GRID1: variants seen among roughly 807,000 people sequenced by gnomAD.
The protein encoded by GRID1 is glutamate ionotropic receptor delta type subunit 1, also known as glutamate receptor ionotropic, delta-1.
Under a neutral mutation model 98.0 loss-of-function variants are expected in GRID1, and 28 were observed. The ratio of observed to expected loss-of-function variants is 0.29; its 90% CI spans 0.21 to 0.39. GRID1 has a LOEUF of 0.39. GRID1 is among the 10% of genes least tolerant of loss of function. The pLI is 1.00. For synonymous variants in GRID1, 553 were observed against 538.5 expected, an observed-to-expected ratio of 1.03 and a Z score of -0.37; for missense variants, 1,111 against 1,340.5, an observed-to-expected ratio of 0.83 and a Z score of 2.67.
Position 85,724,517 on chromosome 10 carries a change from C to T in GRID1, c.1693G>A (p.Val565Met), listed in dbSNP as rs778197505. ...FSLFAPFDFA[V>M]WACIAAAIPV... ...ATGGCTGCTGCAATGCAGGCCCACA[C>T]AGCGAAATCAAATGGAGCAAAGAGG... The change falls in exon 11 of 16, where the codon GTG becomes ATG. Residue 565 changes from valine to methionine, a missense_variant. Val to Met is a conservative substitution (Grantham distance 21). Transcript: ENST00000327946. The T allele has an allele frequency of 1.4e-5, 23 of 1,614,086 alleles. No homozygotes were observed. The highest frequency in any genetic ancestry group is 1.9e-5 in the Non-Finnish European group (23 of 1,180,012).
At chr10:85,634,505 A>G (rs1843014363) in intron 13 of GRID1, among the ~76,000 whole-genome samples, 1 of 152,166 alleles carries the variant, frequency 6.6e-6, no homozygotes, top group Admixed American at 6.5e-5. Context: ...GTAATAACAA[A>G]AAGACACAAA....
intron 4 of GRID1, among the ~76,000 whole-genome samples, chr10:86,133,724 G>A (rs1374359012): frequency 1.3e-5 from 2 of 152,214 alleles, no homozygotes; most frequent in Non-Finnish European, 2.9e-5. Flanking sequence ...AAGGTCCCAT[G>A]CTGCTCTCAG....
intron 14 of GRID1, among the ~76,000 whole-genome samples, chr10:85,615,022 C>A (rs1842772523): frequency 6.6e-6 from 1 of 152,152 alleles, no homozygotes. Flanking sequence ...CGTTAGAGAG[C>A]AACAGTTGTT....
At chr10:86,331,371 C>A (rs1848139820) in intron 2 of GRID1, among the ~76,000 whole-genome samples, 1 of 152,156 alleles carries the variant, frequency 6.6e-6, no homozygotes, top group Non-Finnish European at 1.5e-5. Context: ...CCCCAACTAC[C>A]CAGGGAGGCC....
At chr10:85,708,584 A>G (rs946891919) in intron 12 of GRID1, among the ~76,000 whole-genome samples, 1 of 152,210 alleles carries the variant, frequency 6.6e-6, no homozygotes, top group African/African-American at 2.4e-5. Flanking sequence ...AAGGTATACA[A>G]TGTTAAATTG....
chr10:85,888,829 T>G (rs1841154365), intron 5 of GRID1, among the ~76,000 whole-genome samples: 1 of 152,290 alleles, frequency 6.6e-6, no homozygotes, highest in African/African-American at 2.4e-5. Context: ...TTCTCTGAGC[T>G]TCCTGCTTCT....
chr10:85,885,777 G>C (rs1841108964), intron 5 of GRID1, among the ~76,000 whole-genome samples: 1 of 152,208 alleles, frequency 6.6e-6, no homozygotes, highest in Non-Finnish European at 1.5e-5. Flanking sequence ...GGATGACAGA[G>C]TTAAGGAAAG....
chr10:85,669,281 C>T (rs1173321146), intron 12 of GRID1, among the ~76,000 whole-genome samples: 2 of 152,172 alleles, frequency 1.3e-5, no homozygotes, highest in African/African-American at 4.8e-5. Flanking sequence ...TTGAGGGGCC[C>T]CCATGAGCCA....
chr10:85,613,200 T>G, intron 15 of GRID1: 1 of 611,740 alleles, frequency 1.6e-6, no homozygotes, highest in Non-Finnish European at 2.8e-6. Context: ...AGCACTTTGT[T>G]CAAGCATGAA....
At chr10:85,804,005 A>G (rs1314842528) in intron 8 of GRID1, among the ~76,000 whole-genome samples, 2 of 151,918 alleles carry the variant, frequency 1.3e-5, no homozygotes, top group Non-Finnish European at 2.9e-5. Context: ...GAACAAAGTA[A>G]GCACAAAATA....
Position 86,206,602 on chromosome 10 carries a change from A to G in GRID1, c.282T>C (p.Thr94=). 6.2e-7 allele frequency: 1 copy of G among 1,614,168 alleles called. No homozygotes were observed. The highest frequency in any genetic ancestry group is 1.3e-5 in the African/African-American group (1 of 75,076). The change falls in exon 3 of 16, where the codon ACT becomes ACC. Residue 94 remains threonine, a synonymous_variant. Coordinates refer to ENST00000327946, the MANE Select transcript of GRID1 (RefSeq NM_017551.3). The surrounding 1 kb of genome is among the most constrained non-coding windows in gnomAD (Gnocchi z 4.1). ...GCAGGGCATTGGCAGATGCACAGCCAGTGGACGTGACCAAGGCCAAAATCC... is the reference window on the plus strand; with the variant it reads ...GCAGGGCATTGGCAGATGCACAGCCGGTGGACGTGACCAAGGCCAAAATCC... ...TQGILALVTS[T]GCASANALQS...
At chr10:86,070,444 T>C (rs1357697986) in intron 4 of GRID1, among the ~76,000 whole-genome samples, 1 of 152,164 alleles carries the variant, frequency 6.6e-6, no homozygotes, top group African/African-American at 2.4e-5. Flanking sequence ...AAGATTATTA[T>C]CTTAAATGCT....
intron 4 of GRID1, among the ~76,000 whole-genome samples, chr10:86,047,549 C>T (rs1032814239): frequency 6.6e-6 from 1 of 152,194 alleles, no homozygotes; most frequent in Admixed American, 6.5e-5. Flanking sequence ...CCAGCCTAAA[C>T]AGAGTTCCTA....
At chr10:86,322,829 T>C (rs1441511712) in intron 2 of GRID1, among the ~76,000 whole-genome samples, 2 of 151,412 alleles carry the variant, frequency 1.3e-5, no homozygotes, top group African/African-American at 4.8e-5. Context: ...CGGTGGCTCA[T>C]GACTGTAATC....
chr10:86,106,262 T>C (rs1844384725), intron 4 of GRID1, among the ~76,000 whole-genome samples: 1 of 152,150 alleles, frequency 6.6e-6, no homozygotes, highest in African/African-American at 2.4e-5. Flanking sequence ...CAGGAAACAT[T>C]AGGTAGGGTA....
At chr10:86,051,897 A>G (rs1394173416) in intron 4 of GRID1, among the ~76,000 whole-genome samples, 1 of 152,246 alleles carries the variant, frequency 6.6e-6, no homozygotes, top group Non-Finnish European at 1.5e-5. Context: ...CCAAAATTAC[A>G]AATGCAAAAA....
chr10:85,753,523 C>G (rs188229573), intron 8 of GRID1, among the ~76,000 whole-genome samples: 6 of 152,348 alleles, frequency 3.9e-5, no homozygotes, highest in Admixed American at 2.6e-4. Context: ...AAAGATGACA[C>G]TAAAACCAAA....
At chr10:85,724,761 T>A in intron 10 of GRID1, 85 bp from the exon 11 acceptor site, 1 of 1,056,666 alleles carries the variant, frequency 9.5e-7, no homozygotes, top group African/African-American at 1.6e-5. Context: ...CCCTCTGTCC[T>A]TTGAGTTGCT....
At chr10:85,685,400 A>G (rs1564559115) in intron 12 of GRID1, among the ~76,000 whole-genome samples, 2 of 152,322 alleles carry the variant, frequency 1.3e-5, no homozygotes, top group South Asian at 2.1e-4. Flanking sequence ...GATAAGTTAA[A>G]TTGAGAAAAA....
Sources: allele counts gnomAD v4.1 joint callset (sites outside exome capture counted in the v4.1 genomes callset), GRCh38; gene constraint gnomAD v4.1.1; non-coding constraint Gnocchi (gnomAD v3.1); transcripts MANE v1.5; gene names NCBI Gene and HGNC (gene_info 2026-07-23, HGNC 2026-07-21).